PPARG: variants seen among roughly 807,000 people sequenced by gnomAD.
PPARG encodes peroxisome proliferator activated receptor gamma.
PPARG carries 17 observed loss-of-function variants against 39.2 expected under a neutral mutation model. That is an observed-to-expected ratio of 0.43 (90% confidence interval 0.30 to 0.65). PPARG has a LOEUF of 0.65. PPARG is among the 30% of genes least tolerant of loss of function. The pLI, the probability that PPARG is intolerant of heterozygous loss-of-function variation, is 0.13. For synonymous variants in PPARG, 223 were observed against 215.7 expected (o/e 1.03, Z -0.30); for missense variants, 406 against 585.9 (o/e 0.69, Z 3.17).
chr3:12,393,190 ATTTTT>A (rs143287325), intron 5 of PPARG, among the ~76,000 whole-genome samples: 4 of 111,516 alleles, frequency 3.6e-5, no homozygotes, highest in African/African-American at 1.0e-4. Flanking sequence ...GATTCATTTA[ATTTTT>A]TTTTTTTTTT....
chr3:12,292,131 A>G (rs1251451193), intron 1 of PPARG, among the ~76,000 whole-genome samples: 1 of 152,236 alleles, frequency 6.6e-6, no homozygotes, highest in Non-Finnish European at 1.5e-5. Flanking sequence ...TGATCAATTT[A>G]TAAACTGTTT....
chr3:12,427,553 T>C (rs2051494884), intron 7 of PPARG, among the ~76,000 whole-genome samples: 2 of 152,222 alleles, frequency 1.3e-5, no homozygotes, highest in Non-Finnish European at 2.9e-5. Context: ...CTAAAGTTCC[T>C]CTACCTATTT....
chr3:12,305,287 A>AT (rs1182775343), intron 1 of PPARG, among the ~76,000 whole-genome samples: 36 of 152,248 alleles, frequency 2.4e-4, no homozygotes, highest in African/African-American at 7.7e-4. Context: ...TCAAATAGGG[A>AT]TTTTTTATTC....
Position 12,293,293 on chromosome 3 carries a change from C to T in PPARG, c.-83+4159C>T, listed in dbSNP as rs185841353. 1.3e-3 allele frequency among the ~76,000 whole-genome samples: 197 copies of T among 152,154 alleles called. 1 individual carries two copies. Among genetic ancestry groups the T allele is most frequent in the African/African-American group, 4.5e-3 (185 of 41,494 alleles). On this transcript the variant is annotated intron_variant, in intron 1 of 7. Transcript: ENST00000651735. The stretch of plus-strand genomic sequence containing the variant: ...TATCTGTTTAGGAAGCATTTTTATT[C>T]CACTTCATTGATTTTAGAAAATAAA...
At chr3:12,304,435 T>A (rs930946519) in intron 1 of PPARG, among the ~76,000 whole-genome samples, 1 of 152,226 alleles carries the variant, frequency 6.6e-6, no homozygotes, top group Non-Finnish European at 1.5e-5. Flanking sequence ...AGTGATAGCC[T>A]TACTATATTT....
intron 5 of PPARG, among the ~76,000 whole-genome samples, chr3:12,395,966 T>A (rs2050242322): frequency 6.6e-6 from 1 of 152,186 alleles, no homozygotes; most frequent in Non-Finnish European, 1.5e-5. Flanking sequence ...GTCTGCAGAA[T>A]CTTGATAAAA....
chr3:12,360,607 T>C (rs1408847469), intron 2 of PPARG, among the ~76,000 whole-genome samples: 2 of 149,324 alleles, frequency 1.3e-5, no homozygotes, highest in African/African-American at 4.9e-5. Context: ...ATACCAGCAC[T>C]CCAGAAGCCC....
At chr3:12,297,306 A>C (rs1389873232) in intron 1 of PPARG, among the ~76,000 whole-genome samples, 1 of 152,186 alleles carries the variant, frequency 6.6e-6, no homozygotes, top group Non-Finnish European at 1.5e-5. Flanking sequence ...ACCTTACAAA[A>C]ATGTATGTAT....
chr3:12,323,697 C>A (rs1195702163), intron 2 of PPARG, among the ~76,000 whole-genome samples: 1 of 151,886 alleles, frequency 6.6e-6, no homozygotes, highest in Non-Finnish European at 1.5e-5. Flanking sequence ...TCTGTCTAAC[C>A]CCCAAGCCCA....
At chr3:12,365,069 A>G (rs1362721461) in intron 2 of PPARG, among the ~76,000 whole-genome samples, 1 of 152,142 alleles carries the variant, frequency 6.6e-6, no homozygotes, top group East Asian at 1.9e-4. Flanking sequence ...ATCAGGTATT[A>G]GATTCTCATA....
chr3:12,310,811 A>AC (rs992441545), intron 1 of PPARG, among the ~76,000 whole-genome samples: 1 of 149,030 alleles, frequency 6.7e-6, no homozygotes, highest in African/African-American at 2.5e-5. Flanking sequence ...AAAAAAAAAA[A>AC]AAAAAAAAAA....
chr3:12,372,612 GCTTTT>G (rs1233935966), intron 2 of PPARG, among the ~76,000 whole-genome samples: 10 of 152,114 alleles, frequency 6.6e-5, no homozygotes, highest in African/African-American at 2.4e-5. Flanking sequence ...TCTAATCATA[GCTTTT>G]CTTTTCTTTT....
At chr3:12,322,775 G>A (rs2047580950) in intron 2 of PPARG, among the ~76,000 whole-genome samples, 1 of 152,056 alleles carries the variant, frequency 6.6e-6, no homozygotes, top group South Asian at 2.1e-4. Flanking sequence ...AGGCACAAGT[G>A]AAACAGAGTT....
intron 2 of PPARG, among the ~76,000 whole-genome samples, chr3:12,321,544 T>A (rs2047545201): frequency 6.6e-6 from 1 of 152,232 alleles, no homozygotes; most frequent in African/African-American, 2.4e-5. Context: ...GATTATTGTT[T>A]TAGTTCAGGT....
Position 12,406,038 on chromosome 3 carries a change from C to G in PPARG, c.686C>G (p.Ala229Gly). 6.2e-7 allele frequency: 1 copy of G among 1,614,114 alleles called. No homozygotes were observed. Among genetic ancestry groups the G allele is most frequent in the Non-Finnish European group, 8.5e-7 (1 of 1,180,010 alleles). Reference sequence around the variant, plus strand: ...ATAAAGTCCTTCCCGCTGACCAAAGCAAAGGCGAGGGCGATCTTGACAGGA... The same window carrying G: ...ATAAAGTCCTTCCCGCTGACCAAAGGAAAGGCGAGGGCGATCTTGACAGGA... ...SYIKSFPLTK[A>G]KARAILTGKT... Residue 229 changes from alanine (A) to glycine (G), a missense_variant, in exon 6 of 8, where the codon GCA becomes GGA. Coordinates refer to ENST00000651735, the MANE Select transcript of PPARG (RefSeq NM_138711.6).
chr3:12,322,159 A>C (rs1318529739), intron 2 of PPARG, among the ~76,000 whole-genome samples: 1 of 152,182 alleles, frequency 6.6e-6, no homozygotes, highest in Non-Finnish European at 1.5e-5. Flanking sequence ...AAATACATAG[A>C]TCCCTTTACT....
intron 6 of PPARG, among the ~76,000 whole-genome samples, chr3:12,415,735 A>G (rs1235211251): frequency 6.6e-6 from 1 of 152,204 alleles, no homozygotes; most frequent in East Asian, 1.9e-4. Flanking sequence ...TCTTTGTGAA[A>G]TAGATGGCTT....
At chr3:12,388,569 T>C (rs2125200917) in intron 4 of PPARG, among the ~76,000 whole-genome samples, 2 of 152,320 alleles carry the variant, frequency 1.3e-5, no homozygotes, top group Non-Finnish European at 2.9e-5. Context: ...GAATTCCTAA[T>C]TCAGACTTTG....
intron 2 of PPARG, among the ~76,000 whole-genome samples, chr3:12,368,185 TTTTTG>T: frequency 7.0e-6 from 1 of 143,670 alleles, no homozygotes; most frequent in Non-Finnish European, 1.5e-5. Context: ...TTCTTTTTCT[TTTTTG>T]TTTTTTTTTC....
Sources: allele counts gnomAD v4.1 joint callset (sites outside exome capture counted in the v4.1 genomes callset), GRCh38; gene constraint gnomAD v4.1.1; transcripts MANE v1.5; gene names NCBI Gene and HGNC (gene_info 2026-07-23, HGNC 2026-07-21).